The following LMO4 variants were observed in gnomAD, a reference collection of about 807,000 sequenced individuals.
LMO4 encodes the protein LIM domain transcription factor LMO4.
Under a neutral mutation model 18.5 loss-of-function variants are expected in LMO4, and 3 were observed. The observed-to-expected ratio is 0.16, with a 90% CI of 0.07 to 0.42. The LOEUF is 0.42. Ranked by LOEUF, LMO4 falls within the 10% of genes least tolerant of loss-of-function variation. LMO4 has a pLI of 0.99. For missense variants in LMO4, 121 were observed against 219.9 expected (o/e 0.55, Z 2.84); for synonymous variants, 100 against 88.1 (o/e 1.14, Z -0.76).
In LMO4 at chr1:87,348,851, C is replaced by G; in HGVS notation, c.*4055C>G. On this transcript the variant is annotated 3_prime_UTR_variant, in exon 5 of 5. Coordinates refer to ENST00000370544, the MANE Select transcript of LMO4 (RefSeq NM_006769.4). Reference sequence around the variant, plus strand: ...GCCAATAATGTACTACAGGCCCTGACATGTTACAGCTGTGTAAACAGGGCC... The same window carrying G: ...GCCAATAATGTACTACAGGCCCTGAGATGTTACAGCTGTGTAAACAGGGCC... 2.1e-6 allele frequency: 1 copy of G among 468,134 alleles called. No homozygotes were observed. The highest frequency in any genetic ancestry group is 4.3e-6 in the Non-Finnish European group (1 of 232,840). The allele number at this position is 468,134 out of a possible 1,614,324, so 29.0% of individuals were successfully genotyped here.
rs1276888715 is a variant in LMO4, at chr1:87,348,755, G to A, written c.*3959G>A. The A allele has an allele frequency of 1.9e-6, 1 of 516,490 alleles. No individual in the cohort carries two copies. Among genetic ancestry groups the A allele is most frequent in the East Asian group, 5.5e-5 (1 of 18,322 alleles). 32.0% of individuals were successfully genotyped at this position (516,490 alleles called of 1,614,324 possible). On this transcript the variant is annotated 3_prime_UTR_variant, in exon 5 of 5. Coordinates refer to ENST00000370544, the MANE Select transcript of LMO4 (RefSeq NM_006769.4). Reference sequence around the variant, plus strand: ...GCTTTATGCTAGTAGATATGTGCATGTTTCCTAGAGGGAATGTTTTCAAGT... The same window carrying A: ...GCTTTATGCTAGTAGATATGTGCATATTTCCTAGAGGGAATGTTTTCAAGT...
Position 87,338,270 on chromosome 1 carries a change from T to C in LMO4, c.237-1266T>C, listed in dbSNP as rs1314185120. On this transcript the variant is annotated intron_variant, in intron 2 of 4. Transcript: ENST00000370544. ...CAATCATTCAGATTATGGGGTGTTC[T>C]ATAGGAATATGTCTCCTGGTTTGAC... is the stretch of plus-strand genomic sequence containing the variant. Among the ~76,000 whole-genome samples, 3 of 152,250 alleles carry C rather than the reference T, an allele frequency of 2.0e-5. No homozygotes were observed. In the East Asian group the frequency reaches 5.8e-4, roughly 29 times the overall value.
chr1:87,337,051 AAG>A (rs1182143161), intron 2 of LMO4, among the ~76,000 whole-genome samples: 1 of 152,192 alleles, frequency 6.6e-6, no homozygotes, highest in African/African-American at 2.4e-5. Flanking sequence ...TCTCTGGTAA[AAG>A]GGGATTAGAA....
chr1:87,331,914 G>T, intron 1 of LMO4, 99 bp from the exon 2 acceptor site: 1 of 960,446 alleles, frequency 1.0e-6, no homozygotes, highest in East Asian at 2.5e-5. Flanking sequence ...AGCTCCGCGG[G>T]GAGGAGGGGA....
chr1:87,343,921 T>C (rs1650562508), intron 4 of LMO4, among the ~76,000 whole-genome samples: 1 of 152,208 alleles, frequency 6.6e-6, no homozygotes, highest in Non-Finnish European at 1.5e-5. Flanking sequence ...CAACCTAATA[T>C]GTATTATTTC....
At position 87,345,295 on chromosome 1, in the gene LMO4, T is replaced by C. The variant is rs1650595184; in HGVS notation, c.*499T>C. ...GGAAAGAGATGTGGCTTTTGTGATA[T>C]TCTATCACAAACACTTATTGTATCT... On this transcript the variant is annotated 3_prime_UTR_variant, in exon 5 of 5. Transcript: ENST00000370544. The C allele has an allele frequency of 6.5e-6, 1 of 153,408 alleles. No homozygotes were observed. The highest frequency in any genetic ancestry group is 1.5e-5 in the Non-Finnish European group (1 of 68,678). The allele number at this position is 153,408 out of a possible 1,614,324, so 9.5% of individuals were successfully genotyped here. A position where few individuals can be genotyped will look rare whatever the true frequency, so the allele number is the denominator to read the frequency against.
intron 1 of LMO4, among the ~76,000 whole-genome samples, chr1:87,331,504 G>A (rs928798350): frequency 1.1e-4 from 16 of 152,218 alleles, no homozygotes; most frequent in African/African-American, 3.9e-4. Flanking sequence ...AACCCGGGAG[G>A]GAACGAGGCT....
At chr1:87,332,361 C>A (rs1650181892) in intron 2 of LMO4, 110 bp downstream of exon 2, 1 of 784,458 alleles carries the variant, frequency 1.3e-6, no homozygotes, top group Non-Finnish European at 2.1e-6. Context: ...ATGCAGCCTT[C>A]ACCTCAAAAA....
At chr1:87,334,173 T>A (rs1425670214) in intron 2 of LMO4, among the ~76,000 whole-genome samples, 2 of 152,164 alleles carry the variant, frequency 1.3e-5, no homozygotes, top group Non-Finnish European at 2.9e-5. Flanking sequence ...CCTTAATTAA[T>A]GGCATCTACG....
chr1:87,342,705 C>T (rs1482006117), intron 4 of LMO4, among the ~76,000 whole-genome samples: 5 of 152,094 alleles, frequency 3.3e-5, no homozygotes, highest in Admixed American at 3.3e-4. Context: ...GTGCCCAGCT[C>T]ACCATGAGCA....
In LMO4 at chr1:87,339,582, C is replaced by A; in HGVS notation, c.283C>A (p.Pro95Thr). ...GACSACGQSI[P>T]ASELVMRAQG... is the part of the protein sequence containing the mutation. ...TTGCAGCGCTTGCGGACAGTCGATT[C>A]CTGCGAGTGAACTCGTCATGAGGGC... Residue 95 changes from proline to threonine, a missense_variant, in exon 3 of 5, where the codon CCT (proline) becomes ACT (threonine). Physicochemically the swap from Pro to Thr is conservative, Grantham distance 38. Transcript: ENST00000370544. The A allele has an allele frequency of 6.2e-7, 1 of 1,613,910 alleles. No individual in the cohort carries two copies. Among genetic ancestry groups the A allele is most frequent in the Non-Finnish European group, 8.5e-7 (1 of 1,179,888 alleles).
intron 1 of LMO4, 166 bp from the exon 2 acceptor site, chr1:87,331,847 T>TAG: frequency 5.1e-6 from 3 of 593,112 alleles, no homozygotes; most frequent in South Asian, 2.2e-5. Context: ...CGAGCCTCCC[T>TAG]TCTTCCCTCT....
At chr1:87,343,159 C>T (rs1650540715) in intron 4 of LMO4, among the ~76,000 whole-genome samples, 2 of 152,186 alleles carry the variant, frequency 1.3e-5, no homozygotes, top group Admixed American at 6.5e-5. Flanking sequence ...ACATAGGCCC[C>T]CATTGTCTGG....
In LMO4 at chr1:87,346,595, C is replaced by T. The variant is rs995244170; in HGVS notation, c.*1799C>T. On this transcript the variant is annotated 3_prime_UTR_variant, in exon 5 of 5. Transcript: ENST00000370544. Reference sequence around the variant, plus strand: ...GTGTAGCTCAGCACATCTCAACTACCAGTCAGCTTCCCTTTGAGAACTTCT... The same window carrying T: ...GTGTAGCTCAGCACATCTCAACTACTAGTCAGCTTCCCTTTGAGAACTTCT... 7 of 152,168 alleles carry T rather than the reference C, an allele frequency of 4.6e-5. No individual in the cohort carries two copies. The highest frequency in any genetic ancestry group is 2.1e-4 in the South Asian group (1 of 4,818). 9.4% of individuals were successfully genotyped at this position (152,168 alleles called of 1,614,324 possible). A position where few individuals can be genotyped will look rare whatever the true frequency, so the allele number is the denominator to read the frequency against.
Position 87,347,273 on chromosome 1 carries a change from A to G in LMO4, c.*2477A>G, listed in dbSNP as rs1049976277. On this transcript the variant is annotated 3_prime_UTR_variant, in exon 5 of 5. Transcript: ENST00000370544. ...TAATGGAGCTATGAATATACAATAG[A>G]ACATATTTAAGTAGTAGTCTTGCTT... The G allele has an allele frequency of 6.6e-6, 1 of 152,174 alleles. No individual in the cohort carries two copies. The highest frequency in any genetic ancestry group is 2.4e-5 in the African/African-American group (1 of 41,430). The allele number at this position is 152,174 out of a possible 1,614,324, so 9.4% of individuals were successfully genotyped here.
At chr1:87,333,031 T>C (rs11581028) in intron 2 of LMO4, among the ~76,000 whole-genome samples, 5,440 of 152,316 alleles carry the variant, frequency 0.036, 161 homozygotes, top group Non-Finnish European at 0.052. Flanking sequence ...AAAAAGGCTA[T>C]AGAATTATAC....
chr1:87,334,111 G>A (rs759340228), intron 2 of LMO4, among the ~76,000 whole-genome samples: 1 of 152,178 alleles, frequency 6.6e-6, no homozygotes, highest in Non-Finnish European at 1.5e-5. Context: ...TGGCCTTTTG[G>A]TGTTTTCCTG....
chr1:87,344,806 G>A lies in LMO4; in HGVS notation c.*10G>A, dbSNP rs1392332674. ...CTTGCAGGTCTGCTAAAAGGTCAGAGTAATGCAGAATGCGTGCCTTCATCT... is the reference window on the plus strand; with the variant it reads ...CTTGCAGGTCTGCTAAAAGGTCAGAATAATGCAGAATGCGTGCCTTCATCT... On this transcript the variant is annotated 3_prime_UTR_variant, in exon 5 of 5. Coordinates refer to ENST00000370544, the MANE Select transcript of LMO4 (RefSeq NM_006769.4). 1 of 1,613,692 alleles carries A rather than the reference G, an allele frequency of 6.2e-7. No homozygotes were observed. Among genetic ancestry groups the A allele is most frequent in the African/African-American group, 1.3e-5 (1 of 74,924 alleles).
Position 87,346,805 on chromosome 1 carries a change from C to T in LMO4, c.*2009C>T, listed in dbSNP as rs1406991466. ...ACATATATATGTTTGAATTAGATGT[C>T]TGTTTGAATTAGATCCTTGGGGAAT... On this transcript the variant is annotated 3_prime_UTR_variant, in exon 5 of 5. Coordinates refer to ENST00000370544, the MANE Select transcript of LMO4 (RefSeq NM_006769.4). 1 of 152,186 alleles carries T rather than the reference C, an allele frequency of 6.6e-6. No homozygotes were observed. Among genetic ancestry groups the T allele is most frequent in the Non-Finnish European group, 1.5e-5 (1 of 68,034 alleles). The allele number at this position is 152,186 out of a possible 1,614,324, so 9.4% of individuals were successfully genotyped here. A position where few individuals can be genotyped will look rare whatever the true frequency, so the allele number is the denominator to read the frequency against.
Sources: allele counts gnomAD v4.1 joint callset (sites outside exome capture counted in the v4.1 genomes callset), GRCh38; gene constraint gnomAD v4.1.1; transcripts MANE v1.5; gene names NCBI Gene and HGNC (gene_info 2026-07-23, HGNC 2026-07-21).